The following DYDC1 variants were observed in gnomAD, a reference collection of about 807,000 sequenced individuals.
DYDC1 encodes DPY30 domain-containing protein 1.
A neutral mutation model predicts 27.9 loss-of-function variants in DYDC1; 21 were observed. That is an observed-to-expected ratio of 0.75 (90% CI 0.53 to 1.08). DYDC1 has a LOEUF of 1.08. Among genes scored for constraint, DYDC1 ranks in the 50% least tolerant of loss-of-function variants. The probability of loss-of-function intolerance (pLI) is 0.00; values close to 1 mark genes in which losing one functional copy is unlikely to be tolerated. For synonymous variants in DYDC1, 67 were observed against 65.8 expected (o/e 1.02, Z -0.09); for missense variants, 202 against 205.9 (o/e 0.98, Z 0.12).
At chr10:80,352,791 C>T (rs765672297) in intron 1 of DYDC1, 181 bp from the exon 2 acceptor site, 1 of 638,082 alleles carries the variant, frequency 1.6e-6, no homozygotes, top group Non-Finnish European at 2.3e-6. Flanking sequence ...CAAAAGGGCT[C>T]CAAGGAAGTC....
At position 80,338,575 on chromosome 10, in the gene DYDC1, C is replaced by T. The variant is rs1232136899; in HGVS notation, c.400-4G>A. The T allele has an allele frequency of 5.2e-6, 8 of 1,531,620 alleles. No homozygotes were observed. Among genetic ancestry groups the T allele is most frequent in the Non-Finnish European group, 7.0e-6 (8 of 1,145,164 alleles). The allele number at this position is 1,531,620 out of a possible 1,614,324, so 94.9% of individuals were successfully genotyped here. On this transcript the variant is annotated splice_polypyrimidine_tract_variant and splice_region_variant and intron_variant, in intron 5 of 6. Transcript: ENST00000372202. The stretch of plus-strand genomic sequence containing the variant: ...TGCCTGAGTCTAGTGTTGCTTCCTA[C>T]AATCAAAAAATTGATTTTTACTTTT...
chr10:80,337,963 T>G (rs1177366170), intron 6 of DYDC1: 6 of 488,590 alleles, frequency 1.2e-5, no homozygotes, highest in Non-Finnish European at 1.6e-5. Flanking sequence ...GTTCATCTAA[T>G]TGTCTGTTTC....
At chr10:80,344,860 C>A in intron 3 of DYDC1, 1 of 173,838 alleles carries the variant, frequency 5.8e-6, no homozygotes, top group Non-Finnish European at 1.2e-5. Context: ...TTGGGTATGT[C>A]TTTATCAGCT....
chr10:80,347,798 T>A (rs1046555567), intron 3 of DYDC1, among the ~76,000 whole-genome samples: 1 of 152,240 alleles, frequency 6.6e-6, no homozygotes, highest in Non-Finnish European at 1.5e-5. Context: ...CTCTATTCTG[T>A]TCCACTGGTC....
chr10:80,337,515 C>G lies in DYDC1; in HGVS notation c.504+952G>C, dbSNP rs890201217. The G allele has an allele frequency of 8.1e-6, 7 of 865,778 alleles. No homozygotes were observed. In the East Asian group the frequency reaches 3.7e-4, roughly 45 times the overall value. 53.6% of individuals were successfully genotyped at this position (865,778 alleles called of 1,614,324 possible). ...CTTCCCCACACTGTTACCAGATGGT[C>G]TTTGCAAAATGTAGCTCTCATCATA... is the stretch of plus-strand genomic sequence containing the variant. On this transcript the variant is annotated intron_variant, in intron 6 of 6. Coordinates refer to ENST00000372202, the MANE Select transcript of DYDC1 (RefSeq NM_001269053.2).
intron 4 of DYDC1, among the ~76,000 whole-genome samples, chr10:80,341,581 T>A (rs1842320870): frequency 6.6e-6 from 1 of 151,964 alleles, no homozygotes; most frequent in South Asian, 2.1e-4. Flanking sequence ...TACTACTGCC[T>A]CCGAGATTGG....
In DYDC1 at chr10:80,339,070, T is replaced by C. The variant is rs1241733588; in HGVS notation, c.399+27A>G. The stretch of plus-strand genomic sequence containing the variant: ...TCTAGGATACTCAATTCATTTCACA[T>C]AACATAGAATGACTTTTTCTTCTCA... On this transcript the variant is annotated intron_variant, in intron 5 of 6. Coordinates refer to ENST00000372202, the MANE Select transcript of DYDC1 (RefSeq NM_001269053.2). 66 of 1,287,234 alleles carry C rather than the reference T, an allele frequency of 5.1e-5. No individual in the cohort carries two copies. The East Asian group carries it at 1.8e-3, about 35-fold the overall frequency. The allele number at this position is 1,287,234 out of a possible 1,614,324, so 79.7% of individuals were successfully genotyped here. A position where few individuals can be genotyped will look rare whatever the true frequency, so the allele number is the denominator to read the frequency against.
chr10:80,350,302 G>A (rs942324648), intron 3 of DYDC1, among the ~76,000 whole-genome samples: 30 of 152,256 alleles, frequency 2.0e-4, no homozygotes, highest in African/African-American at 6.5e-4. Context: ...TAAAGTAGTC[G>A]AGCCGAAGAG....
At chr10:80,341,792 AGGTG>A (rs1842328306) in intron 4 of DYDC1, among the ~76,000 whole-genome samples, 1 of 152,184 alleles carries the variant, frequency 6.6e-6, no homozygotes, top group Non-Finnish European at 1.5e-5. Flanking sequence ...TGGGAGGCCA[AGGTG>A]GGTGGATCAC....
At chr10:80,356,591 C>T in intron 1 of DYDC1, 121 bp downstream of exon 1, 1 of 985,534 alleles carries the variant, frequency 1.0e-6, no homozygotes, top group Non-Finnish European at 1.2e-6. Context: ...CCTCTCTCCG[C>T]CTCAGGTGAG....
chr10:80,339,028 A>G (rs1390050797), intron 5 of DYDC1, 69 bp downstream of exon 5: 6 of 886,022 alleles, frequency 6.8e-6, no homozygotes, highest in African/African-American at 1.8e-5. Flanking sequence ...CTTATGCATC[A>G]AAATTAAGCT....
At chr10:80,346,536 C>A (rs1842650406) in intron 3 of DYDC1, among the ~76,000 whole-genome samples, 1 of 145,266 alleles carries the variant, frequency 6.9e-6, no homozygotes, top group African/African-American at 2.5e-5. Context: ...TCTCAGCTCA[C>A]TGCAAGCTCT....
chr10:80,338,106 T>G (rs1468080125), intron 6 of DYDC1: 1 of 985,292 alleles, frequency 1.0e-6, no homozygotes, highest in Non-Finnish European at 1.2e-6. Flanking sequence ...TGGAGAAGCA[T>G]GCATTCTCAT....
At chr10:80,354,598 T>C (rs1843242812) in intron 1 of DYDC1, 1 of 152,224 alleles carries the variant, frequency 6.6e-6, no homozygotes, top group African/African-American at 2.4e-5. Context: ...AATCCATATG[T>C]TGAAATCCTA....
At chr10:80,347,582 T>G (rs1452012599) in intron 3 of DYDC1, among the ~76,000 whole-genome samples, 1 of 152,232 alleles carries the variant, frequency 6.6e-6, no homozygotes, top group African/African-American at 2.4e-5. Context: ...TTTTACAGTT[T>G]CAGGTCTTCC....
chr10:80,344,032 C>T (rs566794111), intron 3 of DYDC1, among the ~76,000 whole-genome samples: 4 of 152,134 alleles, frequency 2.6e-5, no homozygotes, highest in African/African-American at 9.6e-5. Flanking sequence ...AAGAGAATTG[C>T]TTGAATCTGG....
intron 4 of DYDC1, among the ~76,000 whole-genome samples, chr10:80,340,322 T>C (rs531721766): frequency 6.6e-6 from 1 of 152,246 alleles, no homozygotes; most frequent in Admixed American, 6.5e-5. Flanking sequence ...TCTGCAGCCA[T>C]AAGAAGGCCA....
intron 4 of DYDC1, 55 bp downstream of exon 4, chr10:80,342,214 T>G (rs1424331498): frequency 6.4e-7 from 1 of 1,550,512 alleles, no homozygotes; most frequent in East Asian, 2.2e-5. Flanking sequence ...AATAAACAGT[T>G]TGAAGATTCT....
At chr10:80,338,910 T>C (rs1842225253) in intron 5 of DYDC1, among the ~76,000 whole-genome samples, 187 bp downstream of exon 5, 1 of 152,220 alleles carries the variant, frequency 6.6e-6, no homozygotes, top group African/African-American at 2.4e-5. Context: ...GTCCAATTTT[T>C]ACCTATTGTG....
Sources: gnomAD v4.1 joint callset for allele counts (sites outside exome capture counted in the v4.1 genomes callset) on GRCh38, gnomAD v4.1.1 for gene constraint, MANE v1.5 for transcripts, NCBI Gene and HGNC (gene_info 2026-07-23, HGNC 2026-07-21) for gene names.